PIK3R3: variants seen among roughly 807,000 people sequenced by gnomAD.
PIK3R3 encodes phosphoinositide-3-kinase regulatory subunit 3, also known as phosphatidylinositol 3-kinase regulatory subunit gamma.
Under a neutral mutation model 62.9 loss-of-function variants are expected in PIK3R3, and 64 were observed. The observed-to-expected ratio is 1.02, with a 90% confidence interval of 0.83 to 1.25. The LOEUF (loss-of-function observed/expected upper bound fraction) is 1.25, where lower values mean the gene tolerates loss of function less well. Among genes scored for constraint, PIK3R3 ranks in the 50% most tolerant of loss-of-function variants. The pLI is 0.00. For synonymous variants in PIK3R3, 165 were observed against 189.0 expected (o/e 0.87, Z 1.04); for missense variants, 614 against 561.6 (o/e 1.09, Z -0.94).
chr1:46,102,893 T>C (rs532691497), intron 1 of PIK3R3, among the ~76,000 whole-genome samples: 23 of 147,954 alleles, frequency 1.6e-4, no homozygotes, highest in African/African-American at 2.2e-4. Flanking sequence ...GGAGCACCAT[T>C]CACAATAGCT....
chr1:46,077,581 G>T lies in PIK3R3; in HGVS notation c.248C>A (p.Pro83Gln). The T allele has an allele frequency of 6.2e-7, 1 of 1,611,136 alleles. No homozygotes were observed. Among genetic ancestry groups the T allele is most frequent in the Non-Finnish European group, 8.5e-7 (1 of 1,177,466 alleles). The change falls in exon 3 of 10, where the codon CCA (proline) becomes CAA (glutamine). Residue 83 changes from proline to glutamine, a missense_variant. Pro to Gln is a moderately conservative substitution (Grantham distance 76, BLOSUM62 -1). Transcript: ENST00000262741. ...EEVNDKLRDM[P>Q]DGTFLVRDAS... ...ATCTCGGACCAAGAAGGTCCCATCT[G>T]GCATATCCCGCAATTTGTCATTTAC...
intron 2 of PIK3R3, among the ~76,000 whole-genome samples, chr1:46,078,509 G>A (rs942696252): frequency 1.3e-5 from 2 of 152,076 alleles, no homozygotes; most frequent in African/African-American, 2.4e-5. Flanking sequence ...ACCACTGCAC[G>A]CCAGCCTGGG....
At chr1:46,119,074 T>A (rs1654439837) in intron 1 of PIK3R3, among the ~76,000 whole-genome samples, 1 of 152,148 alleles carries the variant, frequency 6.6e-6, no homozygotes. Flanking sequence ...AAATAGCAGA[T>A]CTCTCACCCT....
intron 1 of PIK3R3, among the ~76,000 whole-genome samples, chr1:46,130,187 G>A (rs1048500383): frequency 1.3e-5 from 2 of 152,062 alleles, no homozygotes. Context: ...TGCAAGGCAA[G>A]GTACTATATA....
At chr1:46,056,590 T>C (rs879703086) in intron 6 of PIK3R3, 1 of 152,224 alleles carries the variant, frequency 6.6e-6, no homozygotes, top group African/African-American at 2.4e-5. Flanking sequence ...ACTGACCCAA[T>C]GAGAGTCAAT....
At chr1:46,132,680 C>T (rs1369920289), upstream of PIK3R3, 1 of 1,289,752 alleles carries the variant, frequency 7.8e-7, no homozygotes, top group East Asian at 5.6e-5. Flanking sequence ...GGACACCCTC[C>T]CCGCCCCATG....
At chr1:46,132,852 C>T, upstream of PIK3R3, 1 of 1,207,672 alleles carries the variant, frequency 8.3e-7, no homozygotes, top group Non-Finnish European at 1.1e-6. Context: ...CACGTCTCCC[C>T]ACCGCTCTCT....
rs1288522615 is a variant in PIK3R3 at position 46,041,451 on chromosome 1, C to T, written c.*2222G>A. 31 of 173,870 alleles carry T rather than the reference C, an allele frequency of 1.8e-4. No individual in the cohort carries two copies. In the Admixed American group the frequency reaches 2.0e-3, roughly 11 times the overall value. The allele number at this position is 173,870 out of a possible 1,614,324, so 10.8% of individuals were successfully genotyped here. The stretch of plus-strand genomic sequence containing the variant: ...AGCCCAAGTGTAGATAAAGATGGTA[C>T]TTGGTCTCTCCCTGCACACCGCTGG... On this transcript the variant is annotated 3_prime_UTR_variant, in exon 10 of 10. Coordinates refer to ENST00000262741, the MANE Select transcript of PIK3R3 (RefSeq NM_003629.4).
At position 46,132,588 on chromosome 1, in the gene PIK3R3, AAG is replaced by A. The variant is rs1655716075; in HGVS notation, c.-638_-637del. On this transcript the variant is annotated 5_prime_UTR_variant, in exon 1 of 10. Coordinates refer to ENST00000262741, the MANE Select transcript of PIK3R3 (RefSeq NM_003629.4). Reference sequence around the variant, plus strand: ...TGTCTGGGCGCTCCCGCCGGGGTGTAAGAACCAACCCGACCGCACCAACTGCC... The same window carrying A: ...TGTCTGGGCGCTCCCGCCGGGGTGTAAACCAACCCGACCGCACCAACTGCC... 5 of 1,288,616 alleles carry A rather than the reference AAG, an allele frequency of 3.9e-6. No homozygotes were observed. In the African/African-American group the frequency reaches 7.6e-5, roughly 20 times the overall value. 79.8% of individuals were successfully genotyped at this position (1,288,616 alleles called of 1,614,324 possible).
chr1:46,061,786 T>C, intron 6 of PIK3R3, 143 bp downstream of exon 6: 1 of 749,076 alleles, frequency 1.3e-6, no homozygotes, highest in Non-Finnish European at 2.3e-6. Flanking sequence ...AAGTTCAATT[T>C]GGTGCCATTA....
chr1:46,137,960 C>A (rs1655988088), upstream of PIK3R3, among the ~76,000 whole-genome samples: 1 of 152,168 alleles, frequency 6.6e-6, no homozygotes, highest in Non-Finnish European at 1.5e-5. Flanking sequence ...CTACAGGAAC[C>A]AAGAGGGGCA....
Position 46,069,853 on chromosome 1 carries a change from A to G in PIK3R3, c.315-2762T>C, listed in dbSNP as rs148516826. 4.7e-3 allele frequency among the ~76,000 whole-genome samples: 718 copies of G among 152,344 alleles called. 5 individuals carry two copies. Among genetic ancestry groups the G allele is most frequent in the Non-Finnish European group, 6.7e-3 (453 of 68,040 alleles). ...AAGTGAGAGGAGAACTAAGAGTGTG[A>G]TATCCTAAAAACCAATACGTACAAA... On this transcript the variant is annotated intron_variant, in intron 3 of 9. Coordinates refer to ENST00000262741, the MANE Select transcript of PIK3R3 (RefSeq NM_003629.4).
At chr1:46,064,780 G>A (rs1001175421) in intron 5 of PIK3R3, among the ~76,000 whole-genome samples, 3 of 152,106 alleles carry the variant, frequency 2.0e-5, no homozygotes, top group Non-Finnish European at 4.4e-5. Context: ...CATATACACA[G>A]TGCTTAAAGG....
upstream of PIK3R3, chr1:46,133,071 T>C (rs1246688020): frequency 5.0e-6 from 5 of 1,002,654 alleles, no homozygotes; most frequent in Non-Finnish European, 6.0e-6. Context: ...TTGTCTGCCT[T>C]GCTCCTGCGA....
At chr1:46,154,171 C>T in the PIK3R3 span, among the ~76,000 whole-genome samples, 1 of 152,110 alleles carries the variant, frequency 6.6e-6, no homozygotes, top group African/African-American at 2.4e-5. Context: ...AATTCTATTG[C>T]TGAAAGGAAG....
rs1647112627 is a variant in PIK3R3 at position 46,046,203 on chromosome 1, A to T, written c.1017-115T>A. ...CCACAAATAACAAAGCAAAATTGCA[A>T]TTATTTGGGTGTTAACTTCATTACT... On this transcript the variant is annotated intron_variant, in intron 8 of 9. Coordinates refer to ENST00000262741, the MANE Select transcript of PIK3R3 (RefSeq NM_003629.4). 1.7e-5 allele frequency: 11 copies of T among 662,858 alleles called. No individual in the cohort carries two copies. The South Asian group carries it at 2.4e-4, about 14-fold the overall frequency. The allele number at this position is 662,858 out of a possible 1,614,324, so 41.1% of individuals were successfully genotyped here. A position where few individuals can be genotyped will look rare whatever the true frequency, so the allele number is the denominator to read the frequency against.
In PIK3R3 at chr1:46,045,957, CG is replaced by C. The variant is rs1272677826; in HGVS notation, c.1147del (p.Arg383ValfsTer19). On this transcript the variant is annotated frameshift_variant, in exon 9 of 10. Transcript: ENST00000262741. LOFTEE classifies it high-confidence loss of function. The stretch of plus-strand genomic sequence containing the variant: ...ATAGCATCCTTTCTTGCTACTCTCA[CG>C]AATTAAGAATGCACCATCAGGTTTC... ...YGKPDGAFLI[R>X]ESSKKGCYAC... 6.2e-7 allele frequency: 1 copy of C among 1,613,618 alleles called. No homozygotes were observed.
At chr1:46,094,966 A>G (rs1340460915) in intron 1 of PIK3R3, among the ~76,000 whole-genome samples, 1 of 152,248 alleles carries the variant, frequency 6.6e-6, no homozygotes, top group Non-Finnish European at 1.5e-5. Flanking sequence ...TTGGAGACAC[A>G]TATGATATTT....
chr1:46,152,373 C>T, the PIK3R3 span, among the ~76,000 whole-genome samples: 1 of 152,054 alleles, frequency 6.6e-6, no homozygotes, highest in African/African-American at 2.4e-5. Flanking sequence ...CCTAAAAATA[C>T]CCTCAACTTT....
Sources: allele counts gnomAD v4.1 joint callset (sites outside exome capture counted in the v4.1 genomes callset), GRCh38; gene constraint gnomAD v4.1.1; transcripts MANE v1.5; gene names NCBI Gene and HGNC (gene_info 2026-07-23, HGNC 2026-07-21).